Variants in EVI5 observed in about 807,000 individuals in gnomAD.
EVI5 encodes the protein ecotropic viral integration site 5.
A neutral mutation model predicts 112.0 loss-of-function variants in EVI5; 73 were observed. The observed-to-expected ratio is 0.65, with a 90% CI of 0.54 to 0.79. The LOEUF is 0.79. Ranked by LOEUF, EVI5 falls within the 30% of genes least tolerant of loss-of-function variation. The probability of loss-of-function intolerance (pLI) is 0.00; values close to 1 mark genes in which losing one functional copy is unlikely to be tolerated. For synonymous variants in EVI5, 305 were observed against 319.9 expected (o/e 0.95, Z 0.50); for missense variants, 900 against 968.8 (o/e 0.93, Z 0.94).
At chr1:92,641,510 A>C (rs1370625734) in intron 13 of EVI5, among the ~76,000 whole-genome samples, 1 of 152,240 alleles carries the variant, frequency 6.6e-6, no homozygotes, top group East Asian at 1.9e-4. Flanking sequence ...CCTATGTAGC[A>C]ATCTTGAACC....
At chr1:92,658,720 G>GA (rs1169405747) in intron 13 of EVI5, among the ~76,000 whole-genome samples, 6 of 150,340 alleles carry the variant, frequency 4.0e-5, no homozygotes, top group African/African-American at 1.2e-4. Flanking sequence ...TCACAGTTAG[G>GA]AAAAAAAAAT....
intron 1 of EVI5, among the ~76,000 whole-genome samples, chr1:92,791,621 C>G (rs1441459608): frequency 6.6e-6 from 1 of 151,854 alleles, no homozygotes; most frequent in Non-Finnish European, 1.5e-5. Context: ...CTTCATCAAG[C>G]AAATAAAAAT....
chr1:92,681,746 T>A (rs559014654), intron 9 of EVI5, among the ~76,000 whole-genome samples: 2 of 152,204 alleles, frequency 1.3e-5, no homozygotes, highest in African/African-American at 4.8e-5. Context: ...ACGTGCTAGA[T>A]CTGTATTGTC....
chr1:92,785,233 C>G (rs1395195713), upstream of EVI5: 1 of 347,370 alleles, frequency 2.9e-6, no homozygotes, highest in Non-Finnish European at 4.0e-6. Context: ...GGACGGAGTG[C>G]AGAGGAGGCG....
intron 9 of EVI5, among the ~76,000 whole-genome samples, chr1:92,689,895 T>A (rs1395432506): frequency 6.6e-6 from 1 of 152,016 alleles, no homozygotes; most frequent in Non-Finnish European, 1.5e-5. Flanking sequence ...TAAAGTTGTT[T>A]TGTTTTGTTT....
chr1:92,657,973 C>T (rs1663303743), intron 13 of EVI5, among the ~76,000 whole-genome samples: 1 of 152,146 alleles, frequency 6.6e-6, no homozygotes, highest in Non-Finnish European at 1.5e-5. Flanking sequence ...GAGGTCTTTG[C>T]CCCATGATCC....
Position 92,736,556 on chromosome 1 carries a change from T to A in EVI5, c.-10A>T, listed in dbSNP as rs201087868. 1 of 1,614,034 alleles carries A rather than the reference T, an allele frequency of 6.2e-7. No homozygotes were observed. Among genetic ancestry groups the A allele is most frequent in the Non-Finnish European group, 8.5e-7 (1 of 1,179,890 alleles). ...CCACCTGACTGGCCATCTGACTGAC[T>A]GTATGCGATACTGTGTTCTTCACCC... On this transcript the variant is annotated 5_prime_UTR_variant, in exon 2 of 20. Coordinates refer to ENST00000684568, the MANE Select transcript of EVI5 (RefSeq NM_001350197.2).
intron 18 of EVI5, among the ~76,000 whole-genome samples, chr1:92,586,488 T>C (rs1672804867): frequency 1.3e-5 from 2 of 152,004 alleles, no homozygotes; most frequent in Admixed American, 6.6e-5. Context: ...AAGTATGTAA[T>C]ACTTCAAAAT....
At chr1:92,532,238 T>C (rs1662993003) in intron 19 of EVI5, among the ~76,000 whole-genome samples, 1 of 152,090 alleles carries the variant, frequency 6.6e-6, no homozygotes, top group African/African-American at 2.4e-5. Context: ...AAGCTAACTA[T>C]CCTAAATATA....
At chr1:92,545,336 A>G (rs1180794347) in intron 19 of EVI5, among the ~76,000 whole-genome samples, 2 of 151,964 alleles carry the variant, frequency 1.3e-5, no homozygotes, top group African/African-American at 2.4e-5. Context: ...TCGGCCTCCC[A>G]AAGTGCTGAG....
At chr1:92,735,629 TG>T (rs1558170942) in intron 2 of EVI5, among the ~76,000 whole-genome samples, 1 of 79,224 alleles carries the variant, frequency 1.3e-5, no homozygotes, top group Non-Finnish European at 2.4e-5. Context: ...ATATGATATA[TG>T]ATATATGTCA....
intron 4 of EVI5, 120 bp from the exon 5 acceptor site, chr1:92,702,335 C>T: frequency 1.7e-6 from 1 of 579,972 alleles, no homozygotes; most frequent in Admixed American, 3.9e-5. Flanking sequence ...AAAGCTCTTG[C>T]TTGCTTGTTA....
chr1:92,758,879 G>GA (rs1054136779), intron 1 of EVI5, among the ~76,000 whole-genome samples: 42 of 150,538 alleles, frequency 2.8e-4, no homozygotes, highest in South Asian at 6.3e-4. Flanking sequence ...AGAGCAGATA[G>GA]AAAAAAAAAG....
At chr1:92,621,404 C>T (rs557253295) in intron 16 of EVI5, among the ~76,000 whole-genome samples, 4 of 152,290 alleles carry the variant, frequency 2.6e-5, no homozygotes, top group South Asian at 2.1e-4. Flanking sequence ...CTCCACCTAC[C>T]GGGTTCAACC....
chr1:92,755,184 G>A (rs1558208535), intron 1 of EVI5, among the ~76,000 whole-genome samples: 2 of 151,398 alleles, frequency 1.3e-5, no homozygotes, highest in African/African-American at 2.4e-5. Flanking sequence ...TGAGGTGGGT[G>A]GATCACTACA....
chr1:92,614,576 G>T (rs2101673698), intron 16 of EVI5, among the ~76,000 whole-genome samples: 1 of 151,994 alleles, frequency 6.6e-6, no homozygotes. Flanking sequence ...AAAGCAGGCA[G>T]AAAAATGTGA....
At position 92,510,546 on chromosome 1, in the gene EVI5, TGAA is replaced by T. The variant is rs1296721821; in HGVS notation, c.*3107_*3109del. On this transcript the variant is annotated 3_prime_UTR_variant, in exon 20 of 20. Coordinates refer to ENST00000684568, the MANE Select transcript of EVI5 (RefSeq NM_001350197.2). The stretch of plus-strand genomic sequence containing the variant: ...AATTTGACCTACCACTGAGCTAAAT[TGAA>T]GAAGAAAAACCTGCATTTTAGAGTA... 2.0e-5 allele frequency: 3 copies of T among 152,188 alleles called. No homozygotes were observed. Among genetic ancestry groups the T allele is most frequent in the African/African-American group, 7.2e-5 (3 of 41,442 alleles). 9.4% of individuals were successfully genotyped at this position (152,188 alleles called of 1,614,324 possible). A position where few individuals can be genotyped will look rare whatever the true frequency, so the allele number is the denominator to read the frequency against.
intron 2 of EVI5, chr1:92,733,406 C>CT (rs34763049): frequency 0.88 from 127,234 of 143,848 alleles, 56,268 homozygotes; most frequent in East Asian, 0.96. Flanking sequence ...ACATTATCAT[C>CT]TTTTTTTTTT....
intron 2 of EVI5, among the ~76,000 whole-genome samples, chr1:92,723,210 AT>A (rs894459820): frequency 8.5e-5 from 13 of 152,186 alleles, no homozygotes; most frequent in African/African-American, 3.1e-4. Context: ...TCAGCAGTAC[AT>A]TTTTTTAAAG....
Sources: allele counts gnomAD v4.1 joint callset (sites outside exome capture counted in the v4.1 genomes callset), GRCh38; gene constraint gnomAD v4.1.1; transcripts MANE v1.5; gene names NCBI Gene and HGNC (gene_info 2026-07-23, HGNC 2026-07-21).